The following GPHN variants were observed in gnomAD, a reference collection of about 807,000 sequenced individuals.
GPHN encodes the protein gephyrin.
Under a neutral mutation model 95.5 loss-of-function variants are expected in GPHN, and 17 were observed. The ratio of observed to expected loss-of-function variants is 0.18; its 90% CI spans 0.12 to 0.27. GPHN has a LOEUF of 0.27. Among genes scored for constraint, GPHN ranks in the 10% least tolerant of loss-of-function variants. The pLI, the probability that GPHN is intolerant of heterozygous loss-of-function variation, is 1.00. For synonymous variants in GPHN, 320 were observed against 322.5 expected (o/e 0.99, Z 0.08); for missense variants, 660 against 978.1 (o/e 0.67, Z 4.34).
chr14:67,303,606 G>A, the GPHN span: 6 of 1,604,094 alleles, frequency 3.7e-6, no homozygotes, highest in Non-Finnish European at 5.1e-6. Flanking sequence ...AGTAGTAAGT[G>A]ATTTTTAAAT....
At chr14:67,411,136 CAAAA>C in the GPHN span, among the ~76,000 whole-genome samples, 2 of 52,070 alleles carry the variant, frequency 3.8e-5, no homozygotes, top group African/African-American at 7.1e-5. Context: ...GACCCTGTCT[CAAAA>C]AAAAAAAAAA....
chr14:67,573,975 T>C, the GPHN span: 17 of 929,846 alleles, frequency 1.8e-5, 1 homozygote, highest in South Asian at 2.3e-4. The surrounding 1 kb of genome is among the most constrained non-coding windows in gnomAD (Gnocchi z 4.8). Flanking sequence ...TGGGGCCAAA[T>C]GAGCATGAAT....
chr14:67,246,713 C>T, the GPHN span, among the ~76,000 whole-genome samples: 9 of 144,228 alleles, frequency 6.2e-5, no homozygotes, highest in South Asian at 2.2e-4. Flanking sequence ...TGCAGTGGCA[C>T]GATATCAGCT....
intron 4 of GPHN, among the ~76,000 whole-genome samples, chr14:66,830,234 T>C (rs895852103): frequency 6.6e-6 from 1 of 152,178 alleles, no homozygotes; most frequent in Non-Finnish European, 1.5e-5. Flanking sequence ...GGTTCTTTAG[T>C]AATCCGAATA....
intron 1 of GPHN, among the ~76,000 whole-genome samples, chr14:66,618,373 C>T (rs918787164): frequency 3.9e-5 from 6 of 152,120 alleles, no homozygotes; most frequent in East Asian, 1.9e-4. Flanking sequence ...CTACTGCGCC[C>T]GGCCGAGTTT....
chr14:67,238,235 CTTTT>C, the GPHN span, among the ~76,000 whole-genome samples: 1 of 147,600 alleles, frequency 6.8e-6, no homozygotes, highest in Non-Finnish European at 1.5e-5. Context: ...AAATAGATTT[CTTTT>C]TTCTTTTCTT....
At chr14:67,643,647 G>C in the GPHN span, among the ~76,000 whole-genome samples, 1 of 152,146 alleles carries the variant, frequency 6.6e-6, no homozygotes, top group Non-Finnish European at 1.5e-5. Context: ...AACACAGTGA[G>C]ATCAGGTCTC....
intron 7 of GPHN, among the ~76,000 whole-genome samples, chr14:66,923,904 T>C (rs945436725): frequency 1.3e-5 from 2 of 151,398 alleles, no homozygotes; most frequent in African/African-American, 4.8e-5. Flanking sequence ...TTAAGTTTTG[T>C]GTGATTTTTT....
chr14:66,843,467 T>A (rs1007850933), intron 4 of GPHN, among the ~76,000 whole-genome samples: 22 of 152,224 alleles, frequency 1.4e-4, no homozygotes, highest in African/African-American at 5.1e-4. Flanking sequence ...GACTGCTGAC[T>A]GAGTTTGCTT....
chr14:67,627,817 A>G, the GPHN span, among the ~76,000 whole-genome samples: 1 of 152,222 alleles, frequency 6.6e-6, no homozygotes, highest in Non-Finnish European at 1.5e-5. Context: ...ATGAAAGTAC[A>G]GCACCTGTCC....
chr14:67,159,535 G>T, intron 19 of GPHN, 47 bp downstream of exon 19: 1 of 1,044,080 alleles, frequency 9.6e-7, no homozygotes, highest in Non-Finnish European at 1.5e-6. Flanking sequence ...GGTTTGGCTT[G>T]CTTTAACTAA....
chr14:67,299,860 T>C, the GPHN span, among the ~76,000 whole-genome samples: 1 of 152,216 alleles, frequency 6.6e-6, no homozygotes, highest in Non-Finnish European at 1.5e-5. Context: ...ATACCCTTGG[T>C]ACATTTTTAA....
the GPHN span, among the ~76,000 whole-genome samples, chr14:67,423,701 C>G: frequency 1.4e-4 from 21 of 151,902 alleles, no homozygotes; most frequent in African/African-American, 5.1e-4. Flanking sequence ...TATGCCAACA[C>G]AGCTTCTTCC....
At chr14:66,649,880 C>A (rs10136150) in intron 1 of GPHN, among the ~76,000 whole-genome samples, 51,825 of 152,008 alleles carry the variant, frequency 0.34, 13,380 homozygotes, top group African/African-American at 0.7. Flanking sequence ...TCCAGCACTT[C>A]TTTTAATTCA....
At chr14:66,557,866 A>G (rs546983612) in intron 1 of GPHN, among the ~76,000 whole-genome samples, 8 of 152,306 alleles carry the variant, frequency 5.3e-5, no homozygotes, top group African/African-American at 1.9e-4. Context: ...TATTAATACA[A>G]TCTAGTAGTT....
intron 17 of GPHN, among the ~76,000 whole-genome samples, chr14:67,142,641 A>G (rs1378200068): frequency 1.3e-5 from 2 of 152,048 alleles, no homozygotes; most frequent in South Asian, 2.1e-4. Flanking sequence ...CATTATGAAT[A>G]CCTACTGGCT....
At chr14:67,694,349 G>C in the GPHN span, among the ~76,000 whole-genome samples, 2 of 151,582 alleles carry the variant, frequency 1.3e-5, no homozygotes, top group Non-Finnish European at 2.9e-5. Context: ...TCCTTAACCA[G>C]CAGGAATGAA....
intron 17 of GPHN, among the ~76,000 whole-genome samples, chr14:67,124,040 G>C (rs910696445): frequency 2.0e-5 from 3 of 152,046 alleles, no homozygotes; most frequent in Non-Finnish European, 4.4e-5. Flanking sequence ...ACACTGGAGT[G>C]GAAGCTGGTG....
At chr14:67,310,670 T>C in the GPHN span, among the ~76,000 whole-genome samples, 2 of 152,252 alleles carry the variant, frequency 1.3e-5, no homozygotes, top group Non-Finnish European at 2.9e-5. Context: ...TTAACTTTTA[T>C]ATCTTTGTAT....
Sources: gnomAD v4.1 joint callset for allele counts (sites outside exome capture counted in the v4.1 genomes callset) on GRCh38, gnomAD v4.1.1 for gene constraint, Gnocchi (gnomAD v3.1) non-coding constraint, MANE v1.5 for transcripts, NCBI Gene and HGNC (gene_info 2026-07-23, HGNC 2026-07-21) for gene names.